BCAR3: variants seen among roughly 807,000 people sequenced by gnomAD.
BCAR3 encodes the protein BCAR3 adaptor protein, NSP family member, also known as breast cancer anti-estrogen resistance protein 3.
In BCAR3, 37 loss-of-function variants were observed where a neutral mutation model predicts 80.1. The ratio of observed to expected loss-of-function variants is 0.46; its 90% CI spans 0.36 to 0.61. The LOEUF is 0.61. Ranked by LOEUF, BCAR3 falls within the 20% of genes least tolerant of loss-of-function variation. The probability of loss-of-function intolerance (pLI) is 0.00; values close to 1 mark genes in which losing one functional copy is unlikely to be tolerated. For missense variants in BCAR3, 978 were observed against 1,068.2 expected (o/e 0.92, Z 1.18); for synonymous variants, 389 against 418.9 (o/e 0.93, Z 0.87).
At chr1:93,564,611 A>G (rs528194016) in intron 11 of BCAR3, among the ~76,000 whole-genome samples, 5 of 151,820 alleles carry the variant, frequency 3.3e-5, no homozygotes, top group African/African-American at 1.2e-4. Context: ...GGCACAAAGA[A>G]TTTCTCCTAT....
chr1:93,614,509 C>T (rs2101882946), intron 3 of BCAR3, among the ~76,000 whole-genome samples: 1 of 152,226 alleles, frequency 6.6e-6, no homozygotes, highest in African/African-American at 2.4e-5. Context: ...ACTAGATGTA[C>T]TAAGTAACCC....
At chr1:93,732,015 A>G (rs931200403) in intron 2 of BCAR3, among the ~76,000 whole-genome samples, 7 of 152,108 alleles carry the variant, frequency 4.6e-5, no homozygotes, top group Non-Finnish European at 1.0e-4. Flanking sequence ...AAAACAGCAA[A>G]CCGCGTGGAC....
At chr1:93,754,924 G>A (rs892592294) in intron 2 of BCAR3, among the ~76,000 whole-genome samples, 9 of 152,166 alleles carry the variant, frequency 5.9e-5, no homozygotes, top group Non-Finnish European at 5.9e-5. Context: ...GTTATCCTAG[G>A]AGAGGACAGC....
intron 2 of BCAR3, among the ~76,000 whole-genome samples, chr1:93,806,264 T>C (rs992031433): frequency 3.3e-5 from 5 of 152,170 alleles, no homozygotes; most frequent in Non-Finnish European, 5.9e-5. Context: ...ACAGGAGCCA[T>C]ACACAAAGTA....
intron 11 of BCAR3, among the ~76,000 whole-genome samples, chr1:93,564,927 A>G (rs777403734): frequency 1.3e-5 from 2 of 152,188 alleles, no homozygotes; most frequent in Non-Finnish European, 2.9e-5. Flanking sequence ...CCTCTAGCCA[A>G]AGAGTCATGT....
chr1:93,789,179 T>G (rs1653051901), intron 2 of BCAR3, among the ~76,000 whole-genome samples: 1 of 152,176 alleles, frequency 6.6e-6, no homozygotes, highest in African/African-American at 2.4e-5. Flanking sequence ...TGTAAAATTG[T>G]TGGCCAGGCT....
intron 2 of BCAR3, among the ~76,000 whole-genome samples, chr1:93,732,588 G>T (rs1650826308): frequency 6.6e-6 from 1 of 152,064 alleles, no homozygotes; most frequent in African/African-American, 2.4e-5. Context: ...CTGAACTTCA[G>T]CTTGGGTGAC....
At chr1:93,805,636 A>G (rs1291970355) in intron 2 of BCAR3, among the ~76,000 whole-genome samples, 1 of 152,210 alleles carries the variant, frequency 6.6e-6, no homozygotes, top group African/African-American at 2.4e-5. Flanking sequence ...CTGACAGTGG[A>G]CAAGTTCTCC....
At chr1:93,615,696 C>T (rs919800669) in intron 3 of BCAR3, among the ~76,000 whole-genome samples, 1 of 152,146 alleles carries the variant, frequency 6.6e-6, no homozygotes, top group African/African-American at 2.4e-5. Flanking sequence ...TCTGGCTTGC[C>T]CTCATTTCCG....
intron 2 of BCAR3, among the ~76,000 whole-genome samples, chr1:93,744,062 A>G (rs972120752): frequency 6.6e-6 from 1 of 152,098 alleles, no homozygotes; most frequent in Non-Finnish European, 1.5e-5. Context: ...AATAGCCCCC[A>G]CCACCCACAC....
chr1:93,612,702 G>A (rs1412446082), intron 3 of BCAR3, among the ~76,000 whole-genome samples: 5 of 152,104 alleles, frequency 3.3e-5, no homozygotes, highest in African/African-American at 7.2e-5. Flanking sequence ...ACACTTGAAC[G>A]ATCCATATTT....
intron 1 of BCAR3, among the ~76,000 whole-genome samples, chr1:93,677,004 T>A (rs1208542621): frequency 6.6e-6 from 1 of 152,222 alleles, no homozygotes; most frequent in African/African-American, 2.4e-5. Context: ...TATTCTCCAA[T>A]AACAAGGGAT....
At chr1:93,788,961 T>A (rs1160580817) in intron 2 of BCAR3, among the ~76,000 whole-genome samples, 5 of 152,038 alleles carry the variant, frequency 3.3e-5, no homozygotes, top group Non-Finnish European at 2.9e-5. Context: ...GTTAAAATAT[T>A]CCCTCCCTTC....
rs148334433 is a variant in BCAR3, at chr1:93,729,531, G to C, written c.-62-23389C>G. ...ACCAACCAGATCTGACATGCTGTGA[G>C]AGGAGTAGCACTGGGCAGAGGGGAA... On this transcript the variant is annotated intron_variant, in intron 2 of 13. Transcript: ENST00000370244. Among the ~76,000 whole-genome samples, 586 of 152,324 alleles carry C rather than the reference G, an allele frequency of 3.8e-3. 7 individuals carry two copies. Among genetic ancestry groups the C allele is most frequent in the Middle Eastern group, 0.01 (3 of 294 alleles).
chr1:93,693,167 A>G (rs1465027013), intron 3 of BCAR3, among the ~76,000 whole-genome samples: 1 of 152,174 alleles, frequency 6.6e-6, no homozygotes, highest in Non-Finnish European at 1.5e-5. Flanking sequence ...CACTGCTCCA[A>G]CTCAACAACC....
chr1:93,658,745 G>A (rs1421691219), intron 2 of BCAR3, among the ~76,000 whole-genome samples: 4 of 152,228 alleles, frequency 2.6e-5, no homozygotes, highest in African/African-American at 7.2e-5. Context: ...GGGACTAGAA[G>A]GCTTACATGT....
intron 3 of BCAR3, among the ~76,000 whole-genome samples, chr1:93,634,720 CAA>C (rs71588503): frequency 0.01 from 1,353 of 129,582 alleles, 28 homozygotes; most frequent in African/African-American, 0.037. Context: ...ACAACAACAA[CAA>C]AAAAAAAACG....
upstream of BCAR3, chr1:93,681,941 T>C (rs1648800785): frequency 6.6e-6 from 1 of 152,270 alleles, no homozygotes; most frequent in African/African-American, 2.4e-5. Flanking sequence ...CCGAGACATT[T>C]ACATTCGGTG....
At chr1:93,734,822 C>G (rs1032909941) in intron 2 of BCAR3, among the ~76,000 whole-genome samples, 124 of 152,252 alleles carry the variant, frequency 8.1e-4, no homozygotes, top group African/African-American at 3.0e-3. Flanking sequence ...TAAGGCAGCA[C>G]GGGGCTTTCT....
Sources: allele counts gnomAD v4.1 joint callset (sites outside exome capture counted in the v4.1 genomes callset), GRCh38; gene constraint gnomAD v4.1.1; transcripts MANE v1.5; gene names NCBI Gene and HGNC (gene_info 2026-07-23, HGNC 2026-07-21).